Variants in ITGA7 observed in about 807,000 individuals in gnomAD.
ITGA7 encodes the protein integrin subunit alpha 7.
Under a neutral mutation model 131.6 loss-of-function variants are expected in ITGA7, and 84 were observed. That is an observed-to-expected ratio of 0.64 (90% CI 0.54 to 0.77). ITGA7 has a LOEUF of 0.77. Among genes scored for constraint, ITGA7 ranks in the 30% least tolerant of loss-of-function variants. ITGA7 has a pLI of 0.00. For synonymous variants in ITGA7, 548 were observed against 600.7 expected (o/e 0.91, Z 1.28); for missense variants, 1,399 against 1,482.9 (o/e 0.94, Z 0.93).
chr12:55,694,588 C>T lies in ITGA7; in HGVS notation c.2277+27G>A, dbSNP rs150274527. On this transcript the variant is annotated intron_variant, in intron 16 of 24. Transcript: ENST00000257879. The surrounding 1 kb of genome is among the most constrained non-coding windows in gnomAD (Gnocchi z 5.3). ...TACGGGCTTATGGAGAGGCTACTCA[C>T]GTAGGGATAAGGGCAGATGTGCCAA... The T allele has an allele frequency of 2.5e-4, 405 of 1,613,372 alleles. No homozygotes were observed. The African/African-American group carries it at 2.8e-3, about 11-fold the overall frequency.
intron 3 of ITGA7, chr12:55,701,496 C>G (rs1388865094): frequency 4.9e-6 from 7 of 1,417,216 alleles, no homozygotes; most frequent in Non-Finnish European, 5.9e-6. Flanking sequence ...CTCCAAAATG[C>G]CAAGCTTGGC....
intron 1 of ITGA7, among the ~76,000 whole-genome samples, chr12:55,706,087 G>T (rs544239863): frequency 6.6e-6 from 1 of 152,210 alleles, no homozygotes; most frequent in Non-Finnish European, 1.5e-5. Context: ...CCTTCAGAGA[G>T]GAGGGGGAAA....
In ITGA7 at chr12:55,685,053, G is replaced by A. The variant is rs1290372648; in HGVS notation, c.*5C>T. 6.4e-7 allele frequency: 1 copy of A among 1,571,200 alleles called. No homozygotes were observed. Among genetic ancestry groups the A allele is most frequent in the Non-Finnish European group, 8.6e-7 (1 of 1,161,778 alleles). ...CAGCCACAGGCCAGGCTGGGACATG[G>A]GAACCTAGGCGGTGCCTGGCCCTGG... On this transcript the variant is annotated 3_prime_UTR_variant, in exon 25 of 25. Transcript: ENST00000257879.
upstream of ITGA7, among the ~76,000 whole-genome samples, chr12:55,709,826 TC>T (rs1875900055): frequency 6.6e-6 from 1 of 151,824 alleles, no homozygotes; most frequent in Non-Finnish European, 1.5e-5. Context: ...GCTTCTGACC[TC>T]CTCTCTCCAA....
At chr12:55,711,267 C>T (rs951980462), upstream of ITGA7, among the ~76,000 whole-genome samples, 2 of 152,088 alleles carry the variant, frequency 1.3e-5, no homozygotes, top group Non-Finnish European at 1.5e-5. Context: ...CACTTGAGGT[C>T]AGGAGTTTGA....
chr12:55,704,536 G>A (rs116644446), intron 1 of ITGA7, among the ~76,000 whole-genome samples: 3,268 of 152,110 alleles, frequency 0.021, 114 homozygotes, highest in African/African-American at 0.075. Flanking sequence ...CGTCAGATCC[G>A]AGGCTAGACA....
chr12:55,700,320 C>G (rs746348783), intron 4 of ITGA7: 2 of 1,610,436 alleles, frequency 1.2e-6, no homozygotes, highest in South Asian at 1.1e-5. Context: ...TCTCTCCCCC[C>G]GCCTCGTAGG....
At chr12:55,698,658 G>C in intron 6 of ITGA7, 52 bp downstream of exon 6, 1 of 1,611,672 alleles carries the variant, frequency 6.2e-7, no homozygotes. Flanking sequence ...CAGCCAGACT[G>C]GGGCTACTAG....
intron 21 of ITGA7, 40 bp downstream of exon 21, chr12:55,692,803 AC>A (rs1380155386): frequency 6.4e-7 from 1 of 1,573,008 alleles, no homozygotes. Flanking sequence ...GACACGCAGC[AC>A]CCCGGAGCTC....
In ITGA7 at chr12:55,688,275, T is replaced by C. The variant is rs1278970682; in HGVS notation, c.2984A>G (p.Glu995Gly). The C allele has an allele frequency of 6.2e-7, 1 of 1,614,022 alleles. No individual in the cohort carries two copies. Among genetic ancestry groups the C allele is most frequent in the Non-Finnish European group, 8.5e-7 (1 of 1,179,918 alleles). Residue 995 changes from glutamate (E) to glycine (G), a missense_variant, in exon 23 of 25, where the codon GAA (glutamate) becomes GGA (glycine). Coordinates refer to ENST00000257879, the MANE Select transcript of ITGA7 (RefSeq NM_002206.3). ...LEEYSAVKSL[E>G]VIVRANITVK... is the part of the protein sequence containing the mutation. Reference sequence around the variant, plus strand: ...TGTGATGTTGGCCCGGACAATCACTTCCAGGGACTTCACAGCTGAGTACTC... The same window carrying C: ...TGTGATGTTGGCCCGGACAATCACTCCCAGGGACTTCACAGCTGAGTACTC...
chr12:55,705,724 T>A (rs1875042006), intron 1 of ITGA7, among the ~76,000 whole-genome samples: 1 of 152,256 alleles, frequency 6.6e-6, no homozygotes, highest in South Asian at 2.1e-4. Context: ...TTATATATAT[T>A]AAGAACTCTT....
In ITGA7 at chr12:55,702,903, A is replaced by G; in HGVS notation, c.383T>C (p.Val128Ala). 1 of 1,613,166 alleles carries G rather than the reference A, an allele frequency of 6.2e-7. No individual in the cohort carries two copies. The highest frequency in any genetic ancestry group is 8.5e-7 in the Non-Finnish European group (1 of 1,179,974). ...CTTGCCCCCAGGCCCCTGGCTCCGA[A>G]CACTGACTCCCAACCACTGGTTCTC... ...SKENQWLGVSVRSQGPGGKIV... is the reference protein window; with the variant it reads ...SKENQWLGVSARSQGPGGKIV... Residue 128 changes from valine to alanine, a missense_variant, in exon 3 of 25, where the codon GTT becomes GCT. Transcript: ENST00000257879.
Position 55,694,014 on chromosome 12 carries a change from CACTT to C in ITGA7, c.2535+3_2535+6del. ...GACCATGGAGGGGCCTCATCCCTGACACTTACCGTGACCTCATACTTGACCTTGC... is the reference window on the plus strand; with the variant it reads ...GACCATGGAGGGGCCTCATCCCTGACACCGTGACCTCATACTTGACCTTGC... On this transcript the variant is annotated splice_donor_5th_base_variant and intron_variant, in intron 19 of 24. Coordinates refer to ENST00000257879, the MANE Select transcript of ITGA7 (RefSeq NM_002206.3). This position sits in a 1 kb window ranked among gnomAD's most constrained non-coding sequence, Gnocchi z 5.3. 1 of 1,610,432 alleles carries C rather than the reference CACTT, an allele frequency of 6.2e-7. No individual in the cohort carries two copies. Among genetic ancestry groups the C allele is most frequent in the Non-Finnish European group, 8.5e-7 (1 of 1,177,430 alleles).
chr12:55,697,194 A>G, intron 11 of ITGA7, 22 bp downstream of exon 11: 1 of 1,589,316 alleles, frequency 6.3e-7, no homozygotes. Flanking sequence ...AGGGCGAGCC[A>G]CAGAGGGGGG....
At chr12:55,700,707 G>T in intron 4 of ITGA7, 192 bp downstream of exon 4, 1 of 743,306 alleles carries the variant, frequency 1.3e-6, no homozygotes, top group Non-Finnish European at 2.2e-6. Flanking sequence ...AGGAACACTT[G>T]GCCGTGCGAG....
chr12:55,702,898 T>C lies in ITGA7; in HGVS notation c.388A>G (p.Ser130Gly), dbSNP rs762489585. The C allele has an allele frequency of 6.2e-7, 1 of 1,612,996 alleles. No homozygotes were observed. The highest frequency in any genetic ancestry group is 1.1e-5 in the South Asian group (1 of 91,080). ...ENQWLGVSVR[S>G]QGPGGKIVTC... ...ACAATCTTGCCCCCAGGCCCCTGGC[T>C]CCGAACACTGACTCCCAACCACTGG... Residue 130 changes from serine to glycine, a missense_variant, in exon 3 of 25, where the codon AGC becomes GGC. Coordinates refer to ENST00000257879, the MANE Select transcript of ITGA7 (RefSeq NM_002206.3).
chr12:55,684,778 T>G lies in ITGA7; in HGVS notation c.*280A>C. 1 of 461,274 alleles carries G rather than the reference T, an allele frequency of 2.2e-6. No individual in the cohort carries two copies. The allele number at this position is 461,274 out of a possible 1,614,324, so 28.6% of individuals were successfully genotyped here. A position where few individuals can be genotyped will look rare whatever the true frequency, so the allele number is the denominator to read the frequency against. ...ACAGGGTGAATGGGAGAGGAAGGGATTAGGATCCCTTCTCCCCACCTTTGC... is the reference window on the plus strand; with the variant it reads ...ACAGGGTGAATGGGAGAGGAAGGGAGTAGGATCCCTTCTCCCCACCTTTGC... On this transcript the variant is annotated 3_prime_UTR_variant, in exon 25 of 25. Coordinates refer to ENST00000257879, the MANE Select transcript of ITGA7 (RefSeq NM_002206.3).
intron 4 of ITGA7, chr12:55,700,512 C>T: frequency 7.9e-7 from 1 of 1,262,284 alleles, no homozygotes; most frequent in Non-Finnish European, 1.1e-6. Flanking sequence ...CCTCTCCCCA[C>T]CCTGTCCCCA....
chr12:55,707,848 C>T lies in ITGA7; in HGVS notation c.-166G>A. The T allele has an allele frequency of 1.4e-6, 2 of 1,467,824 alleles. No individual in the cohort carries two copies. Among genetic ancestry groups the T allele is most frequent in the East Asian group, 2.5e-5 (1 of 40,122 alleles). The allele number at this position is 1,467,824 out of a possible 1,614,324, so 90.9% of individuals were successfully genotyped here. A position where few individuals can be genotyped will look rare whatever the true frequency, so the allele number is the denominator to read the frequency against. ...CTCCCGCCCGCCCGCCGCTCCGCCA[C>T]CCCGCCGCCCCAGCACCGGCTAGGA... On this transcript the variant is annotated 5_prime_UTR_variant, in exon 1 of 25. It adds an upstream start codon to the 5' untranslated region. Coordinates refer to ENST00000257879, the MANE Select transcript of ITGA7 (RefSeq NM_002206.3).
Sources: gnomAD v4.1 joint callset for allele counts (sites outside exome capture counted in the v4.1 genomes callset) on GRCh38, gnomAD v4.1.1 for gene constraint, Gnocchi (gnomAD v3.1) non-coding constraint, MANE v1.5 for transcripts, NCBI Gene and HGNC (gene_info 2026-07-23, HGNC 2026-07-21) for gene names.